The following KDM2A variants were observed in gnomAD, a reference collection of about 807,000 sequenced individuals.
KDM2A encodes the protein lysine-specific demethylase 2A.
KDM2A carries 3 observed loss-of-function variants against 137.3 expected under a neutral mutation model. The ratio of observed to expected loss-of-function variants is 0.02; its 90% CI spans 0.01 to 0.06. The LOEUF (loss-of-function observed/expected upper bound fraction) is 0.06. Ranked by LOEUF, KDM2A falls within the 10% of genes least tolerant of loss-of-function variation. The probability of loss-of-function intolerance (pLI) is 1.00; values close to 1 mark genes in which losing one functional copy is unlikely to be tolerated. For missense variants in KDM2A, 738 were observed against 1,510.6 expected (o/e 0.49, Z 8.48); for synonymous variants, 512 against 541.5 (o/e 0.95, Z 0.76).
At chr11:67,220,579 C>A (rs1226163602) in intron 10 of KDM2A, among the ~76,000 whole-genome samples, 1 of 152,088 alleles carries the variant, frequency 6.6e-6, no homozygotes, top group Non-Finnish European at 1.5e-5. Context: ...CTTATTTTCT[C>A]ATTTTTCTCT....
chr11:67,245,953 T>C lies in KDM2A; in HGVS notation c.1834-32T>C. ...CTGAAATGATAAAGATCTGAGTCAG[T>C]TCTCTTGGATTCTATCTTTGTCCTC... is the stretch of plus-strand genomic sequence containing the variant. On this transcript the variant is annotated intron_variant, in intron 14 of 20. Coordinates refer to ENST00000529006, the MANE Select transcript of KDM2A (RefSeq NM_012308.3). The surrounding 1 kb of genome is among the most constrained non-coding windows in gnomAD (Gnocchi z 4.1). 6.2e-7 allele frequency: 1 copy of C among 1,611,822 alleles called. No individual in the cohort carries two copies.
chr11:67,217,683 T>C, intron 8 of KDM2A, 48 bp from the exon 9 acceptor site: 6 of 1,595,576 alleles, frequency 3.8e-6, no homozygotes, highest in Non-Finnish European at 5.1e-6. Context: ...GGGAGACGAC[T>C]GGGTCATGTC....
At position 67,255,567 on chromosome 11, in the gene KDM2A, C is replaced by T. The variant is rs1859577204; in HGVS notation, c.*512C>T. The T allele has an allele frequency of 2.2e-6, 1 of 456,706 alleles. No individual in the cohort carries two copies. The highest frequency in any genetic ancestry group is 1.5e-5 in the South Asian group (1 of 64,568). The allele number at this position is 456,706 out of a possible 1,614,324, so 28.3% of individuals were successfully genotyped here. On this transcript the variant is annotated 3_prime_UTR_variant, in exon 21 of 21. Coordinates refer to ENST00000529006, the MANE Select transcript of KDM2A (RefSeq NM_012308.3). The stretch of plus-strand genomic sequence containing the variant: ...GGCCAGCAGCCCCAGGAGTCCCAGA[C>T]CCGTGCCGATCACACTGGTGCTGTT...
intron 16 of KDM2A, among the ~76,000 whole-genome samples, chr11:67,249,583 A>G (rs576387293): frequency 9.9e-5 from 15 of 152,234 alleles, no homozygotes; most frequent in East Asian, 9.6e-4. Flanking sequence ...ATTCCTCACC[A>G]TAATCCTGAG....
chr11:67,135,079 TC>T (rs1335381654), intron 2 of KDM2A, among the ~76,000 whole-genome samples: 3 of 151,828 alleles, frequency 2.0e-5, no homozygotes, highest in Admixed American at 2.0e-4. Context: ...TTTTTTTTTT[TC>T]CCCCTGAGAC....
At chr11:67,251,923 A>G (rs1859440492) in intron 17 of KDM2A, among the ~76,000 whole-genome samples, 1 of 152,170 alleles carries the variant, frequency 6.6e-6, no homozygotes, top group Non-Finnish European at 1.5e-5. Context: ...CTTGGTTTTC[A>G]GGGCAAGGCA....
At chr11:67,220,526 G>A (rs567602075) in intron 10 of KDM2A, among the ~76,000 whole-genome samples, 2 of 152,150 alleles carry the variant, frequency 1.3e-5, no homozygotes, top group South Asian at 2.1e-4. Flanking sequence ...CTCAACTGGG[G>A]TTTCAAGAGA....
intron 2 of KDM2A, among the ~76,000 whole-genome samples, chr11:67,141,292 A>C (rs1856092486): frequency 6.6e-6 from 1 of 152,122 alleles, no homozygotes; most frequent in African/African-American, 2.4e-5. Context: ...ACCAAGTCAG[A>C]GTATTTGGGG....
intron 2 of KDM2A, among the ~76,000 whole-genome samples, chr11:67,156,245 T>A (rs1400984460): frequency 7.1e-6 from 1 of 140,048 alleles, no homozygotes; most frequent in Non-Finnish European, 1.5e-5. Context: ...CAAAACTCCG[T>A]CTCAAAAAAA....
chr11:67,187,697 C>A (rs886506270), intron 5 of KDM2A, among the ~76,000 whole-genome samples: 8 of 152,056 alleles, frequency 5.3e-5, no homozygotes. Context: ...CCTCAGCCTC[C>A]CAAGTAGCTG....
intron 2 of KDM2A, among the ~76,000 whole-genome samples, chr11:67,141,543 T>C (rs1590716191): frequency 1.3e-5 from 2 of 151,104 alleles, no homozygotes; most frequent in East Asian, 3.9e-4. Context: ...GGCAGGTACC[T>C]GTAGTCCCAG....
At chr11:67,174,424 A>G (rs898167808) in intron 2 of KDM2A, among the ~76,000 whole-genome samples, 4 of 152,236 alleles carry the variant, frequency 2.6e-5, no homozygotes, top group Admixed American at 6.5e-5. Flanking sequence ...TGACATAGAC[A>G]GTTTGAGAAA....
chr11:67,125,459 G>T (rs1475059657), intron 2 of KDM2A, among the ~76,000 whole-genome samples: 1 of 151,374 alleles, frequency 6.6e-6, no homozygotes, highest in African/African-American at 2.4e-5. Flanking sequence ...ATTTTTTGGG[G>T]GGAAAAAAAA....
intron 6 of KDM2A, among the ~76,000 whole-genome samples, chr11:67,211,821 T>G (rs1379819220): frequency 1.3e-5 from 2 of 152,122 alleles, no homozygotes; most frequent in African/African-American, 4.8e-5. Flanking sequence ...ATAATCTGTT[T>G]GTTCCCTGTG....
At chr11:67,221,453 T>C (rs1254251442) in intron 10 of KDM2A, among the ~76,000 whole-genome samples, 1 of 152,198 alleles carries the variant, frequency 6.6e-6, no homozygotes, top group African/African-American at 2.4e-5. Flanking sequence ...GTCTTTTATA[T>C]ATTATAGGAA....
chr11:67,185,969 A>T (rs1282872681), intron 5 of KDM2A, among the ~76,000 whole-genome samples: 1 of 152,138 alleles, frequency 6.6e-6, no homozygotes, highest in Non-Finnish European at 1.5e-5. Flanking sequence ...TGTCAACAGC[A>T]ACACAAAATG....
intron 2 of KDM2A, among the ~76,000 whole-genome samples, chr11:67,156,308 G>A (rs1413125292): frequency 6.6e-6 from 1 of 151,836 alleles, no homozygotes; most frequent in Non-Finnish European, 1.5e-5. Context: ...GTATTGGCTG[G>A]GCGCAGTGGC....
Position 67,250,262 on chromosome 11 carries a change from C to A in KDM2A, c.2232C>A (p.Gly744=), listed in dbSNP as rs1859369965. ...TGACTCGGTCATCCCCTGGGGCTGG[C>A]CCCAGCGACCACCACAGTGCCAGCC... ...GMVTRSSPGA[G]PSDHHSASRD... The change falls in exon 17 of 21, where the codon GGC becomes GGA. Residue 744 remains glycine (G), a synonymous_variant. Coordinates refer to ENST00000529006, the MANE Select transcript of KDM2A (RefSeq NM_012308.3). The surrounding 1 kb of genome is among the most constrained non-coding windows in gnomAD (Gnocchi z 7.1). 19 of 1,613,678 alleles carry A rather than the reference C, an allele frequency of 1.2e-5. No homozygotes were observed. The highest frequency in any genetic ancestry group is 1.5e-5 in the Non-Finnish European group (18 of 1,179,854).
chr11:67,218,474 G>A (rs1294201579), intron 9 of KDM2A, among the ~76,000 whole-genome samples: 1 of 152,096 alleles, frequency 6.6e-6, no homozygotes, highest in Non-Finnish European at 1.5e-5. Flanking sequence ...CAGGCCTCAT[G>A]CAGCCCAGGA....
Sources: allele counts gnomAD v4.1 joint callset (sites outside exome capture counted in the v4.1 genomes callset), GRCh38; gene constraint gnomAD v4.1.1; non-coding constraint Gnocchi (gnomAD v3.1); transcripts MANE v1.5; gene names NCBI Gene and HGNC (gene_info 2026-07-23, HGNC 2026-07-21).